The following ACSF2 variants were observed in gnomAD, a reference collection of about 807,000 sequenced individuals.
The protein encoded by ACSF2 is acyl-CoA synthetase family member 2, also known as medium-chain acyl-CoA ligase ACSF2, mitochondrial.
ACSF2 carries 52 observed loss-of-function variants against 79.3 expected under a neutral mutation model. That is an observed-to-expected ratio of 0.66 (90% CI 0.53 to 0.83). ACSF2 has a LOEUF of 0.83. ACSF2 is among the 40% of genes least tolerant of loss of function. The pLI, the probability that ACSF2 is intolerant of heterozygous loss-of-function variation, is 0.00. For synonymous variants in ACSF2, 283 were observed against 312.6 expected, an observed-to-expected ratio of 0.91 and a Z score of 1.00; for missense variants, 661 against 803.3, an observed-to-expected ratio of 0.82 and a Z score of 2.14.
chr17:50,444,678 C>T (rs895895943), intron 1 of ACSF2, among the ~76,000 whole-genome samples: 1 of 150,848 alleles, frequency 6.6e-6, no homozygotes, highest in African/African-American at 2.5e-5. Flanking sequence ...CTTTTGCCAC[C>T]ATCTGAAAAT....
chr17:50,472,474 C>T lies in ACSF2; in HGVS notation c.1370C>T (p.Thr457Met), dbSNP rs374266045. The change falls in exon 12 of 16, where the codon ACG becomes ATG. Residue 457 changes from threonine (T) to methionine (M), a missense_variant. Thr to Met is a moderately conservative substitution (Grantham distance 81). Transcript: ENST00000300441. ...MEAGTLAKLNTPGELCIRGYC... is the reference protein window; with the variant it reads ...MEAGTLAKLNMPGELCIRGYC... ...GCAGGGACGCTGGCAAAGCTGAACA[C>T]GCCCGGGGAGCTGTGCATCCGAGGG... The T allele has an allele frequency of 1.9e-5, 31 of 1,612,858 alleles. No homozygotes were observed. Among genetic ancestry groups the T allele is most frequent in the African/African-American group, 9.4e-5 (7 of 74,858 alleles).
chr17:50,442,761 T>C (rs1456107050), intron 1 of ACSF2, among the ~76,000 whole-genome samples: 1 of 152,254 alleles, frequency 6.6e-6, no homozygotes, highest in Admixed American at 6.5e-5. Context: ...CCATTTTGCC[T>C]GACCATGTCT....
In ACSF2 at chr17:50,462,261, A is replaced by G; in HGVS notation, c.585A>G (p.Pro195=). ...QYYNVLKQIC[P]EVENAQPGAL... ...ACAACGTCCTGAAGCAGATCTGTCCAGAAGTGGAGAATGCCCAGCCAGGGG... is the reference window on the plus strand; with the variant it reads ...ACAACGTCCTGAAGCAGATCTGTCCGGAAGTGGAGAATGCCCAGCCAGGGG... Residue 195 remains proline, a synonymous_variant, in exon 5 of 16, where the codon CCA becomes CCG. Transcript: ENST00000300441. The G allele has an allele frequency of 6.2e-7, 1 of 1,614,094 alleles. No homozygotes were observed. Among genetic ancestry groups the G allele is most frequent in the East Asian group, 2.2e-5 (1 of 44,876 alleles).
At position 50,463,230 on chromosome 17, in the gene ACSF2, G is replaced by A. The variant is rs2032459433; in HGVS notation, c.867G>A (p.Glu289=). 2 of 1,614,140 alleles carry A rather than the reference G, an allele frequency of 1.2e-6. No individual in the cohort carries two copies. The highest frequency in any genetic ancestry group is 1.7e-6 in the Non-Finnish European group (2 of 1,180,034). Residue 289 remains glutamate, a synonymous_variant, in exon 7 of 16, where the codon GAG becomes GAA. Coordinates refer to ENST00000300441, the MANE Select transcript of ACSF2 (RefSeq NM_025149.6). This position sits in a 1 kb window ranked among gnomAD's most constrained non-coding sequence, Gnocchi z 4.6. The part of the protein sequence containing the change: ...NIVNNSNILG[E]RLKLHEKTPE... The stretch of plus-strand genomic sequence containing the variant: ...TCAACAACTCCAACATTTTAGGAGA[G>A]CGCCTGAAACTGCATGAGAAGGTGA...
At chr17:50,465,512 G>A in intron 10 of ACSF2, 1 of 1,565,820 alleles carries the variant, frequency 6.4e-7, no homozygotes, top group South Asian at 1.1e-5. Context: ...TGAACTATGG[G>A]GCCAGGATTG....
chr17:50,429,877 C>G (rs889366223), intron 1 of ACSF2, among the ~76,000 whole-genome samples: 4 of 152,222 alleles, frequency 2.6e-5, no homozygotes, highest in African/African-American at 9.6e-5. Flanking sequence ...GAACTCCTCA[C>G]GACCAACTCC....
intron 1 of ACSF2, among the ~76,000 whole-genome samples, chr17:50,436,591 A>G (rs9909780): frequency 0.59 from 89,812 of 151,752 alleles, 27,583 homozygotes; most frequent in African/African-American, 0.74. Context: ...GTGCCACCAC[A>G]CTCAGCTATT....
intron 10 of ACSF2, chr17:50,468,396 G>A (rs1294553137): frequency 2.5e-6 from 4 of 1,614,076 alleles, no homozygotes; most frequent in Admixed American, 1.7e-5. Flanking sequence ...AGCAACCCCC[G>A]GGGCAGCTCA....
Position 50,474,606 on chromosome 17 carries a change from G to C in ACSF2, c.*54G>C, listed in dbSNP as rs1311767600. On this transcript the variant is annotated 3_prime_UTR_variant, in exon 16 of 16. Transcript: ENST00000300441. This position sits in a 1 kb window ranked among gnomAD's most constrained non-coding sequence, Gnocchi z 4.2. ...TGGCTTGACTCTCTCCTGTCAGAAT[G>C]CAACCTGGCTTTATGCACCTAGATG... 1.3e-6 allele frequency: 2 copies of C among 1,573,304 alleles called. No homozygotes were observed. Among genetic ancestry groups the C allele is most frequent in the Non-Finnish European group, 1.7e-6 (2 of 1,143,810 alleles).
chr17:50,462,854 GC>G (rs2032434079), intron 6 of ACSF2: 1 of 582,024 alleles, frequency 1.7e-6, no homozygotes, highest in Admixed American at 3.2e-5. Context: ...ACTGCTACAG[GC>G]TGCCCCTCAT....
chr17:50,470,988 G>C lies in ACSF2; in HGVS notation c.1216-40G>C, dbSNP rs770896849. 10 of 1,465,430 alleles carry C rather than the reference G, an allele frequency of 6.8e-6. No homozygotes were observed. The East Asian group carries it at 1.1e-4, about 17-fold the overall frequency. 90.8% of individuals were successfully genotyped at this position (1,465,430 alleles called of 1,614,324 possible). ...GATAGCTCACCTGATCCCTCTGCAC[G>C]TGCTGAGCCCTCTTCAAACACCCTT... is the stretch of plus-strand genomic sequence containing the variant. On this transcript the variant is annotated intron_variant, in intron 10 of 15. Transcript: ENST00000300441.
At chr17:50,430,350 A>G (rs1915412725) in intron 1 of ACSF2, among the ~76,000 whole-genome samples, 1 of 152,198 alleles carries the variant, frequency 6.6e-6, no homozygotes, top group Admixed American at 6.5e-5. Flanking sequence ...TGATCTGATG[A>G]GCAGCAGTTA....
At chr17:50,452,761 G>A (rs192880998) in intron 1 of ACSF2, among the ~76,000 whole-genome samples, 1 of 152,164 alleles carries the variant, frequency 6.6e-6, no homozygotes, top group Non-Finnish European at 1.5e-5. Flanking sequence ...CAAGGAAGGA[G>A]AATTGGTTTG....
chr17:50,465,355 G>A (rs773421154), intron 10 of ACSF2: 19 of 1,614,092 alleles, frequency 1.2e-5, no homozygotes, highest in South Asian at 6.6e-5. Flanking sequence ...TGCGGAAGGC[G>A]TCCGTGTCAC....
At chr17:50,467,195 G>A (rs1035752117) in intron 10 of ACSF2, among the ~76,000 whole-genome samples, 3 of 152,242 alleles carry the variant, frequency 2.0e-5, no homozygotes, top group Non-Finnish European at 4.4e-5. Context: ...CACCCCAGGG[G>A]AGAAAGGAAT....
chr17:50,446,628 A>G (rs2031319230), intron 1 of ACSF2, among the ~76,000 whole-genome samples: 1 of 152,232 alleles, frequency 6.6e-6, no homozygotes, highest in African/African-American at 2.4e-5. Context: ...GACACAGAAC[A>G]TGACCAGAAA....
chr17:50,471,201 G>A lies in ACSF2; in HGVS notation c.1323+66G>A. On this transcript the variant is annotated intron_variant, in intron 11 of 15. Coordinates refer to ENST00000300441, the MANE Select transcript of ACSF2 (RefSeq NM_025149.6). The surrounding 1 kb of genome is among the most constrained non-coding windows in gnomAD (Gnocchi z 4.1). ...ACCCAGCTGGGGTGCACCCAGCTGG[G>A]ACATCGGTTGCTTTCAGTGAGAGAG... 3 of 1,373,398 alleles carry A rather than the reference G, an allele frequency of 2.2e-6. No individual in the cohort carries two copies. Among genetic ancestry groups the A allele is most frequent in the Non-Finnish European group, 1.0e-6 (1 of 965,354 alleles). The allele number at this position is 1,373,398 out of a possible 1,614,324, so 85.1% of individuals were successfully genotyped here. A position where few individuals can be genotyped will look rare whatever the true frequency, so the allele number is the denominator to read the frequency against.
intron 3 of ACSF2, 115 bp downstream of exon 3, chr17:50,461,485 G>C: frequency 6.3e-7 from 1 of 1,591,304 alleles, no homozygotes; most frequent in Non-Finnish European, 8.6e-7. Flanking sequence ...TTTCAAACCA[G>C]GTAGTGCTTT....
chr17:50,455,419 G>A (rs1250294921), intron 1 of ACSF2, among the ~76,000 whole-genome samples: 4 of 152,158 alleles, frequency 2.6e-5, no homozygotes, highest in African/African-American at 9.7e-5. Flanking sequence ...GTGGGGATAG[G>A]AAGTAGAGAG....
Sources: gnomAD v4.1 joint callset for allele counts (sites outside exome capture counted in the v4.1 genomes callset) on GRCh38, gnomAD v4.1.1 for gene constraint, Gnocchi (gnomAD v3.1) non-coding constraint, MANE v1.5 for transcripts, NCBI Gene and HGNC (gene_info 2026-07-23, HGNC 2026-07-21) for gene names.